Variants in GATM observed in about 807,000 individuals in gnomAD.
GATM encodes the protein glycine amidinotransferase, mitochondrial.
In GATM, 23 loss-of-function variants were observed where a neutral mutation model predicts 54.2. That is an observed-to-expected ratio of 0.42 (90% CI 0.31 to 0.60). The LOEUF is 0.60. GATM is among the 20% of genes least tolerant of loss of function. The pLI, the probability that GATM is intolerant of heterozygous loss-of-function variation, is 0.14. For synonymous variants in GATM, 168 were observed against 183.1 expected (o/e 0.92, Z 0.67); for missense variants, 401 against 544.9 (o/e 0.74, Z 2.63).
chr15:45,376,451 T>A (rs1595485702), intron 2 of GATM, 150 bp downstream of exon 2: 1 of 742,786 alleles, frequency 1.3e-6, no homozygotes, highest in African/African-American at 1.7e-5. Context: ...TTGGTGTAAA[T>A]AGTGTCAAAT....
At chr15:45,371,742 T>C (rs952672530) in intron 2 of GATM, among the ~76,000 whole-genome samples, 1 of 152,254 alleles carries the variant, frequency 6.6e-6, no homozygotes, top group Non-Finnish European at 1.5e-5. Flanking sequence ...GGCCATGTTA[T>C]ACTGGTTTGA....
intron 3 of GATM, among the ~76,000 whole-genome samples, chr15:45,384,181 C>T (rs1473742425): frequency 2.6e-5 from 4 of 152,178 alleles, no homozygotes; most frequent in Non-Finnish European, 5.9e-5. Flanking sequence ...ACATGTAGTC[C>T]AACTACTTTC....
chr15:45,369,514 GT>G lies in GATM; in HGVS notation c.295del (p.Thr99HisfsTer22). 1 of 1,613,910 alleles carries G rather than the reference GT, an allele frequency of 6.2e-7. No homozygotes were observed. The highest frequency in any genetic ancestry group is 8.5e-7 in the Non-Finnish European group (1 of 1,179,860). ...GTAAAATGGCCAGTACTTTTCATAT[GT>G]GTTGGCCTGGAAGTAGAAGCAAATA... ...PPFTIEVKAN[T>X]YEKYWPFYQK... On this transcript the variant is annotated frameshift_variant, in exon 3 of 9. Transcript: ENST00000396659. LOFTEE classifies it high-confidence loss of function.
In GATM at chr15:45,376,590, C is replaced by T. The variant is rs929050196; in HGVS notation, c.288+11G>A. On this transcript the variant is annotated intron_variant, in intron 2 of 8. Transcript: ENST00000396659. ...AGCGCACTTTCAGACATGTGAATAG[C>T]CTTCCTTTACCTTCACCTCGATGGT... The T allele has an allele frequency of 6.2e-7, 1 of 1,613,060 alleles. No homozygotes were observed. Among genetic ancestry groups the T allele is most frequent in the Non-Finnish European group, 8.5e-7 (1 of 1,179,084 alleles).
chr15:45,368,321 T>A lies in GATM; in HGVS notation c.485-61A>T. ...GTGTTAATTTCCAAGACAAAAAAGG[T>A]CTATATAGGGCCAGGCACAGTGGCT... is the stretch of plus-strand genomic sequence containing the variant. On this transcript the variant is annotated intron_variant, in intron 3 of 8. Coordinates refer to ENST00000396659, the MANE Select transcript of GATM (RefSeq NM_001482.3). The surrounding 1 kb of genome is among the most constrained non-coding windows in gnomAD (Gnocchi z 5.1). The A allele has an allele frequency of 6.8e-7, 1 of 1,472,466 alleles. No individual in the cohort carries two copies. The highest frequency in any genetic ancestry group is 9.4e-7 in the Non-Finnish European group (1 of 1,060,074). 91.2% of individuals were successfully genotyped at this position (1,472,466 alleles called of 1,614,324 possible).
At chr15:45,371,618 T>A (rs1021658161) in intron 2 of GATM, among the ~76,000 whole-genome samples, 1 of 152,214 alleles carries the variant, frequency 6.6e-6, no homozygotes, top group Non-Finnish European at 1.5e-5. Flanking sequence ...ATTTCACATG[T>A]AAGGAAAGAG....
rs1889504721 is a variant in GATM at position 45,369,488 on chromosome 15, G to C, written c.322C>G (p.Gln108Glu). ...GGAAAATAATGCCCTCCTTGCTTCT[G>C]GTAAAATGGCCAGTACTTTTCATAT... ...NTYEKYWPFYQKQGGHYFPKD... is the reference protein window; with the variant it reads ...NTYEKYWPFYEKQGGHYFPKD... Residue 108 changes from glutamine to glutamate, a missense_variant, in exon 3 of 9, where the codon CAG becomes GAG. By Grantham distance (29) the Gln-to-Glu change is conservative. This residue lies in a region of GATM where 321 missense variants were observed against 457.5 expected (regional missense o/e 0.70). Coordinates refer to ENST00000396659, the MANE Select transcript of GATM (RefSeq NM_001482.3). 5.0e-6 allele frequency: 8 copies of C among 1,614,044 alleles called. No homozygotes were observed. The highest frequency in any genetic ancestry group is 4.4e-5 in the South Asian group (4 of 91,082).
In GATM at chr15:45,363,868, G is replaced by A. The variant is rs145460324; in HGVS notation, c.1159+32C>T. 142 of 1,254,438 alleles carry A rather than the reference G, an allele frequency of 1.1e-4. No individual in the cohort carries two copies. The African/African-American group carries it at 1.5e-3, about 13-fold the overall frequency. 77.7% of individuals were successfully genotyped at this position (1,254,438 alleles called of 1,614,324 possible). On this transcript the variant is annotated intron_variant, in intron 8 of 8. Transcript: ENST00000396659. ...AGTTCTTCTCATTTAACGTTTTCAT[G>A]TATGACAACATGTTTCATTTGTTGT... is the stretch of plus-strand genomic sequence containing the variant.
chr15:45,401,167 T>G (rs1230744866), intron 1 of GATM, among the ~76,000 whole-genome samples: 1 of 152,198 alleles, frequency 6.6e-6, no homozygotes, highest in Non-Finnish European at 1.5e-5. Flanking sequence ...TGAGACCAGG[T>G]AAGTTACTGT....
chr15:45,397,589 T>C (rs2140684678), intron 2 of GATM, among the ~76,000 whole-genome samples: 1 of 152,354 alleles, frequency 6.6e-6, no homozygotes, highest in African/African-American at 2.4e-5. Context: ...TTGTATCCCC[T>C]GGCTGTTCAT....
chr15:45,379,563 A>G (rs548806111), upstream of GATM: 1 of 152,156 alleles, frequency 6.6e-6, no homozygotes, highest in African/African-American at 2.4e-5. Context: ...ATAGACTACT[A>G]TATGTCTTCC....
intron 5 of GATM, 67 bp downstream of exon 5, chr15:45,366,304 A>G: frequency 6.2e-7 from 1 of 1,608,044 alleles, no homozygotes; most frequent in East Asian, 2.2e-5. Context: ...TAGGATGAAA[A>G]TATTTTAATT....
At chr15:45,365,987 G>A in intron 6 of GATM, 59 bp downstream of exon 6, 2 of 1,486,098 alleles carry the variant, frequency 1.3e-6, no homozygotes, top group East Asian at 2.3e-5. Context: ...AAATAAAAGT[G>A]GCAATTATTT....
In GATM at chr15:45,368,291, C is replaced by T; in HGVS notation, c.485-31G>A. 6.3e-7 allele frequency: 1 copy of T among 1,599,116 alleles called. No individual in the cohort carries two copies. ...AGACCAAAAAATTCCATGACAACTT[C>T]AGTAGTGTTAATTTCCAAGACAAAA... is the stretch of plus-strand genomic sequence containing the variant. On this transcript the variant is annotated intron_variant, in intron 3 of 8. Coordinates refer to ENST00000396659, the MANE Select transcript of GATM (RefSeq NM_001482.3). The surrounding 1 kb of genome is among the most constrained non-coding windows in gnomAD (Gnocchi z 5.1).
intron 2 of GATM, among the ~76,000 whole-genome samples, chr15:45,374,604 A>C (rs913068690): frequency 1.3e-5 from 2 of 152,212 alleles, no homozygotes; most frequent in African/African-American, 4.8e-5. Context: ...CTGTCTTCCA[A>C]GTCTAACTCA....
chr15:45,379,763 G>C (rs1595487139), upstream of GATM: 1 of 152,236 alleles, frequency 6.6e-6, no homozygotes, highest in Admixed American at 6.5e-5. Context: ...CGAGGCAGGC[G>C]GATTGCCTGA....
At chr15:45,383,556 AAACTT>A (rs1413388930) in intron 3 of GATM, among the ~76,000 whole-genome samples, 3 of 151,720 alleles carry the variant, frequency 2.0e-5, no homozygotes, top group Non-Finnish European at 4.4e-5. Context: ...GGTTCTGACT[AAACTT>A]AAAGGCAAAG....
intron 2 of GATM, among the ~76,000 whole-genome samples, chr15:45,374,086 C>T (rs1311079547): frequency 6.6e-6 from 1 of 152,106 alleles, no homozygotes; most frequent in African/African-American, 2.4e-5. Context: ...ATCCTTAATC[C>T]TGTTAGGTAG....
chr15:45,398,868 A>G (rs1244671740), intron 2 of GATM, among the ~76,000 whole-genome samples: 1 of 152,188 alleles, frequency 6.6e-6, no homozygotes, highest in Non-Finnish European at 1.5e-5. Flanking sequence ...TTTTTCATAT[A>G]CAGGAATATA....
Sources: gnomAD v4.1 joint callset for allele counts (sites outside exome capture counted in the v4.1 genomes callset) on GRCh38, gnomAD v4.1.1 for gene constraint, gnomAD v4.1.1 regional missense constraint, Gnocchi (gnomAD v3.1) non-coding constraint, MANE v1.5 for transcripts, NCBI Gene and HGNC (gene_info 2026-07-23, HGNC 2026-07-21) for gene names.